Variants in GALNTL6 observed in about 807,000 individuals in gnomAD.
GALNTL6 encodes the protein polypeptide N-acetylgalactosaminyltransferase like 6, also known as polypeptide N-acetylgalactosaminyltransferase-like 6.
In GALNTL6, 46 loss-of-function variants were observed where a neutral mutation model predicts 73.7. The observed-to-expected ratio is 0.62, with a 90% CI of 0.49 to 0.80. GALNTL6 has a LOEUF of 0.80. GALNTL6 is among the 30% of genes least tolerant of loss of function. GALNTL6 has a pLI of 0.00. For synonymous variants in GALNTL6, 259 were observed against 263.7 expected (o/e 0.98, Z 0.17); for missense variants, 604 against 755.0 (o/e 0.80, Z 2.34).
At chr4:171,840,812 A>G (rs1031115342) in intron 2 of GALNTL6, among the ~76,000 whole-genome samples, 1 of 152,058 alleles carries the variant, frequency 6.6e-6, no homozygotes, top group Non-Finnish European at 1.5e-5. Context: ...GATTTTTCTG[A>G]ACCATCTTAA....
chr4:172,018,053 T>TCCCAAATCCCA (rs765855712), intron 2 of GALNTL6, among the ~76,000 whole-genome samples: 9 of 152,252 alleles, frequency 5.9e-5, no homozygotes, highest in Non-Finnish European at 1.0e-4. Flanking sequence ...TTAGCCAGGA[T>TCCCAAATCCCA]GTTGCAGGCA....
chr4:172,799,349 G>A (rs1321061727), intron 5 of GALNTL6, among the ~76,000 whole-genome samples: 1 of 152,178 alleles, frequency 6.6e-6, no homozygotes, highest in Non-Finnish European at 1.5e-5. Context: ...TACAAGTTCA[G>A]GAGGTTTTTC....
At position 172,993,966 on chromosome 4, in the gene GALNTL6, C is replaced by T. The variant is rs116397926; in HGVS notation, c.1372-15212C>T. ...AAAATATTGGCTTTTGACACCCACC[C>T]TTCATATCACAGTCCGACCAAACCC... On this transcript the variant is annotated intron_variant, in intron 10 of 12. Transcript: ENST00000506823. Among the ~76,000 whole-genome samples the T allele has an allele frequency of 4.1e-3, 620 of 152,278 alleles. 3 individuals carry two copies. The highest frequency in any genetic ancestry group is 0.014 in the African/African-American group (593 of 41,560).
chr4:172,525,495 G>T (rs1734920459), intron 5 of GALNTL6, among the ~76,000 whole-genome samples: 1 of 151,704 alleles, frequency 6.6e-6, no homozygotes, highest in Admixed American at 6.6e-5. Flanking sequence ...TTAATTATTT[G>T]TCTGTGAAAT....
At chr4:172,813,401 A>T in intron 6 of GALNTL6, 139 bp from the exon 7 acceptor site, 1 of 551,268 alleles carries the variant, frequency 1.8e-6, no homozygotes, top group Non-Finnish European at 3.1e-6. Context: ...GAGATTCCTG[A>T]AAAGGGCTCT....
intron 5 of GALNTL6, among the ~76,000 whole-genome samples, chr4:172,659,851 T>C (rs530340931): frequency 6.6e-6 from 1 of 152,322 alleles, no homozygotes; most frequent in South Asian, 2.1e-4. Flanking sequence ...GACAGCAGCT[T>C]CAACTCTTCC....
chr4:171,924,984 A>G (rs962257861), intron 2 of GALNTL6, among the ~76,000 whole-genome samples: 1 of 152,210 alleles, frequency 6.6e-6, no homozygotes, highest in Non-Finnish European at 1.5e-5. Context: ...GTGGGCACTT[A>G]TCCAAGCCTA....
At chr4:172,427,549 T>G (rs529430038) in intron 5 of GALNTL6, among the ~76,000 whole-genome samples, 8 of 152,184 alleles carry the variant, frequency 5.3e-5, no homozygotes, top group Admixed American at 4.6e-4. Flanking sequence ...AAACCAGATG[T>G]TTATGTGTCA....
intron 4 of GALNTL6, among the ~76,000 whole-genome samples, chr4:172,333,127 C>T (rs966410879): frequency 2.0e-5 from 3 of 152,080 alleles, no homozygotes; most frequent in Non-Finnish European, 4.4e-5. Flanking sequence ...CACTGATGGC[C>T]GGGTGCAGTG....
In GALNTL6 at chr4:173,036,945, G is replaced by C. The variant is rs543446320; in HGVS notation, c.1639-2988G>C. Among the ~76,000 whole-genome samples the C allele has an allele frequency of 5.3e-5, 8 of 152,324 alleles. No individual in the cohort carries two copies. In the South Asian group the frequency reaches 1.2e-3, roughly 24 times the overall value. On this transcript the variant is annotated intron_variant, in intron 12 of 12. Transcript: ENST00000506823. ...ATAGAACCAAAGACCACATTCAAAA[G>C]ACAATTACTTGATCCACTGACTTAA...
At chr4:172,198,875 A>T (rs1554002204) in intron 2 of GALNTL6, among the ~76,000 whole-genome samples, 2 of 151,618 alleles carry the variant, frequency 1.3e-5, no homozygotes, top group Non-Finnish European at 2.9e-5. Context: ...CCCAAAATGT[A>T]TTTTTTTTTA....
chr4:172,019,104 A>C (rs1037690997), intron 2 of GALNTL6, among the ~76,000 whole-genome samples: 2 of 152,152 alleles, frequency 1.3e-5, no homozygotes, highest in Non-Finnish European at 2.9e-5. Flanking sequence ...TAGAATTTGT[A>C]GCAGCATGCC....
chr4:171,859,124 G>T (rs935595374), intron 2 of GALNTL6, among the ~76,000 whole-genome samples: 6 of 152,000 alleles, frequency 3.9e-5, no homozygotes, highest in Admixed American at 6.6e-5. Flanking sequence ...TTCAACACAG[G>T]TGTATCTTTC....
chr4:172,088,643 T>A lies in GALNTL6; in HGVS notation c.139-141013T>A, dbSNP rs150030596. Among the ~76,000 whole-genome samples the A allele has an allele frequency of 6.5e-4, 99 of 152,218 alleles. 2 individuals carry two copies. The East Asian group carries it at 0.015, about 24-fold the overall frequency. On this transcript the variant is annotated intron_variant, in intron 2 of 12. Coordinates refer to ENST00000506823, the MANE Select transcript of GALNTL6 (RefSeq NM_001034845.3). ...CAAAGTCTGGGCTCTAGGTGTAGGG[T>A]TTAGTTTTCAATCTCCTCCTCTGGA...
intron 3 of GALNTL6, among the ~76,000 whole-genome samples, chr4:172,265,983 T>C (rs1738438726): frequency 6.6e-6 from 1 of 152,136 alleles, no homozygotes; most frequent in Admixed American, 6.6e-5. Flanking sequence ...TGTTTCTCAT[T>C]CATGGCTACA....
intron 2 of GALNTL6, among the ~76,000 whole-genome samples, chr4:171,841,850 C>T (rs1013153269): frequency 6.6e-6 from 1 of 151,666 alleles, no homozygotes; most frequent in African/African-American, 2.4e-5. Flanking sequence ...TAGCAATGTC[C>T]TCCCAAAACT....
At chr4:171,895,368 A>T (rs1412430836) in intron 2 of GALNTL6, among the ~76,000 whole-genome samples, 2 of 152,042 alleles carry the variant, frequency 1.3e-5, no homozygotes, top group African/African-American at 4.8e-5. Flanking sequence ...AGTCATGGCA[A>T]CTCTGTTTTC....
At chr4:172,272,087 G>A (rs887155652) in intron 3 of GALNTL6, among the ~76,000 whole-genome samples, 1 of 151,910 alleles carries the variant, frequency 6.6e-6, no homozygotes, top group Non-Finnish European at 1.5e-5. Context: ...CGAGTAGTTG[G>A]GACTACAGGT....
intron 3 of GALNTL6, among the ~76,000 whole-genome samples, chr4:172,248,489 G>A (rs1010461028): frequency 6.6e-6 from 1 of 152,148 alleles, no homozygotes; most frequent in African/African-American, 2.4e-5. Flanking sequence ...ACAGTCACCA[G>A]TAGGTTTCAT....
Sources: gnomAD v4.1 joint callset for allele counts (sites outside exome capture counted in the v4.1 genomes callset) on GRCh38, gnomAD v4.1.1 for gene constraint, MANE v1.5 for transcripts, NCBI Gene and HGNC (gene_info 2026-07-23, HGNC 2026-07-21) for gene names.